SP140: variants seen among roughly 807,000 people sequenced by gnomAD.
The protein encoded by SP140 is nuclear body protein SP140.
Under a neutral mutation model 125.0 loss-of-function variants are expected in SP140, and 81 were observed. That is an observed-to-expected ratio of 0.65 (90% CI 0.54 to 0.78). The LOEUF is 0.78. Ranked by LOEUF, SP140 falls within the 30% of genes least tolerant of loss-of-function variation. The pLI, the probability that SP140 is intolerant of heterozygous loss-of-function variation, is 0.00. For synonymous variants in SP140, 312 were observed against 354.0 expected (o/e 0.88, Z 1.33); for missense variants, 858 against 1,037.0 (o/e 0.83, Z 2.37).
At chr2:230,268,008 T>C (rs2053383583) in intron 12 of SP140, among the ~76,000 whole-genome samples, 1 of 152,194 alleles carries the variant, frequency 6.6e-6, no homozygotes, top group African/African-American at 2.4e-5. Flanking sequence ...TATCAGACCT[T>C]GACCACCAGC....
intron 12 of SP140, among the ~76,000 whole-genome samples, chr2:230,262,511 G>T (rs1248635542): frequency 6.6e-6 from 1 of 151,818 alleles, no homozygotes; most frequent in Non-Finnish European, 1.5e-5. Flanking sequence ...GTTTGTTCTT[G>T]TTTCTCTAGT....
chr2:230,187,352 T>C, the SP140 span, among the ~76,000 whole-genome samples: 1 of 152,220 alleles, frequency 6.6e-6, no homozygotes, highest in East Asian at 1.9e-4. Flanking sequence ...TGGGATTTTT[T>C]TCTATAATGT....
rs1266935439 is a variant in SP140, at chr2:230,251,046, G to A, written c.1042G>A (p.Ala348Thr). The change falls in exon 10 of 27, where the codon GCA (alanine) becomes ACA (threonine). Residue 348 changes from alanine to threonine, a missense_variant. Coordinates refer to ENST00000392045, the MANE Select transcript of SP140 (RefSeq NM_007237.5). ...GCCCCAGGAAGCCTCTAGCTCCCTA[G>A]CAAGATGTGGGTCAGGTAAAGAAGG... ...EEPQEASSSL[A>T]RCGSVSCLSA... The A allele has an allele frequency of 6.2e-7, 1 of 1,613,446 alleles. No homozygotes were observed. The highest frequency in any genetic ancestry group is 8.5e-7 in the Non-Finnish European group (1 of 1,179,756).
chr2:230,316,571 A>G (rs1429250180), downstream of SP140, among the ~76,000 whole-genome samples: 1 of 152,218 alleles, frequency 6.6e-6, no homozygotes, highest in Non-Finnish European at 1.5e-5. Flanking sequence ...GCTCTACATC[A>G]TCCTTGCCAT....
At chr2:230,221,856 A>G, upstream of SP140, 1 of 881,884 alleles carries the variant, frequency 1.1e-6, no homozygotes, top group Non-Finnish European at 1.8e-6. Flanking sequence ...AAATAAAGTC[A>G]ATGTCAAATC....
At chr2:230,306,722 C>T (rs2058793831) in intron 22 of SP140, among the ~76,000 whole-genome samples, 1 of 152,242 alleles carries the variant, frequency 6.6e-6, no homozygotes, top group African/African-American at 2.4e-5. Flanking sequence ...CTGCACCCCT[C>T]TGGATTTTGG....
intron 5 of SP140, 43 bp downstream of exon 5, chr2:230,243,854 A>G (rs762004296): frequency 7.3e-7 from 1 of 1,360,702 alleles, no homozygotes; most frequent in Non-Finnish European, 1.1e-6. Flanking sequence ...GCAGGGTGTC[A>G]GGAGGTGGAA....
At chr2:230,202,352 T>C (rs1019343183), upstream of SP140, among the ~76,000 whole-genome samples, 1 of 152,218 alleles carries the variant, frequency 6.6e-6, no homozygotes, top group Non-Finnish European at 1.5e-5. Context: ...TGAGAGCTGC[T>C]GCCCCAGGCC....
At chr2:230,212,831 A>G (rs529350933) in intron 1 of SP140, 1 of 1,613,990 alleles carries the variant, frequency 6.2e-7, no homozygotes, top group African/African-American at 1.3e-5. Context: ...TGGGCGACTC[A>G]CTCAGGATCT....
At chr2:230,269,097 C>T (rs921275060) in intron 12 of SP140, among the ~76,000 whole-genome samples, 6 of 152,150 alleles carry the variant, frequency 3.9e-5, no homozygotes, top group Non-Finnish European at 5.9e-5. Flanking sequence ...ATTTGGCCAT[C>T]AATGCAGGCT....
intron 16 of SP140, among the ~76,000 whole-genome samples, chr2:230,284,936 A>G (rs1452975731): frequency 6.6e-6 from 1 of 152,166 alleles, no homozygotes; most frequent in African/African-American, 2.4e-5. Flanking sequence ...TGGTCAGTGT[A>G]ATAGAGGTGA....
chr2:230,187,232 T>C, the SP140 span, among the ~76,000 whole-genome samples: 1 of 152,224 alleles, frequency 6.6e-6, no homozygotes, highest in Non-Finnish European at 1.5e-5. Context: ...GTGGTTTTAA[T>C]CTTCATTTCC....
At position 230,211,848 on chromosome 2, in the gene SP140, G is replaced by C. The variant is rs1196990411; in HGVS notation, c.-322-1806G>C. On this transcript the variant is annotated intron_variant, in intron 1 of 4. Coordinates refer to the SP140 transcript ENST00000456542. The surrounding 1 kb of genome is among the most constrained non-coding windows in gnomAD (Gnocchi z 4.2). ...GGACCCCTCTTCTCAGTACTGGAGA[G>C]CTCAGAATCCATGGTATCATTTTTG... Among the ~76,000 whole-genome samples, 6 of 152,162 alleles carry C rather than the reference G, an allele frequency of 3.9e-5. No homozygotes were observed. The highest frequency in any genetic ancestry group is 4.8e-5 in the African/African-American group (2 of 41,432).
chr2:230,260,972 T>G (rs62191192), intron 12 of SP140, among the ~76,000 whole-genome samples: 18,181 of 152,152 alleles, frequency 0.12, 1,165 homozygotes, highest in Admixed American at 0.13. Context: ...TCTAATTCTG[T>G]GAAGAAGATG....
intron 1 of SP140, chr2:230,210,045 T>A (rs2044295953): frequency 1.6e-6 from 2 of 1,283,684 alleles, no homozygotes; most frequent in Non-Finnish European, 2.3e-6. Flanking sequence ...AGAGCTCAGA[T>A]CCAGTGAAGA....
In SP140 at chr2:230,251,034, T is replaced by C. The variant is rs1412258327; in HGVS notation, c.1030T>C (p.Ser344Pro). 4 of 1,613,572 alleles carry C rather than the reference T, an allele frequency of 2.5e-6. No individual in the cohort carries two copies. The highest frequency in any genetic ancestry group is 3.4e-6 in the Non-Finnish European group (4 of 1,179,802). Residue 344 changes from serine to proline, a missense_variant, in exon 10 of 27, where the codon TCT becomes CCT. Physicochemically the swap from Ser to Pro is moderately conservative, Grantham distance 74 (BLOSUM62 -1). Coordinates refer to ENST00000392045, the MANE Select transcript of SP140 (RefSeq NM_007237.5). ...MCDGEEPQEA[S>P]SSLARCGSVS... ...TGATGGAGAAGAGCCCCAGGAAGCCTCTAGCTCCCTAGCAAGATGTGGGTC... is the reference window on the plus strand; with the variant it reads ...TGATGGAGAAGAGCCCCAGGAAGCCCCTAGCTCCCTAGCAAGATGTGGGTC...
rs1301939791 is a variant in SP140, at chr2:230,241,600, T to A, written c.490+113T>A. On this transcript the variant is annotated intron_variant, in intron 4 of 26. Transcript: ENST00000392045. ...TTAGCCCTCTGTTATCTCCCAGTCC[T>A]CCTCCCCTCACACAGCCATGTACCT... is the stretch of plus-strand genomic sequence containing the variant. 4 of 675,752 alleles carry A rather than the reference T, an allele frequency of 5.9e-6. No homozygotes were observed. In the East Asian group the frequency reaches 1.1e-4, roughly 18 times the overall value. 41.9% of individuals were successfully genotyped at this position (675,752 alleles called of 1,614,324 possible). A position where few individuals can be genotyped will look rare whatever the true frequency, so the allele number is the denominator to read the frequency against.
At chr2:230,272,448 T>A (rs563960631) in intron 15 of SP140, among the ~76,000 whole-genome samples, 1 of 152,116 alleles carries the variant, frequency 6.6e-6, no homozygotes, top group South Asian at 2.1e-4. Flanking sequence ...TAGGGGCCGG[T>A]TTTTCCTGTG....
chr2:230,225,626 G>A, upstream of SP140: 1 of 601,178 alleles, frequency 1.7e-6, no homozygotes, highest in Non-Finnish European at 3.0e-6. Flanking sequence ...TGGCCTCGTG[G>A]GGCTGGCTCT....
Sources: gnomAD v4.1 joint callset for allele counts (sites outside exome capture counted in the v4.1 genomes callset) on GRCh38, gnomAD v4.1.1 for gene constraint, Gnocchi (gnomAD v3.1) non-coding constraint, MANE v1.5 for transcripts, NCBI Gene and HGNC (gene_info 2026-07-23, HGNC 2026-07-21) for gene names.